LRIG2: variants seen among roughly 807,000 people sequenced by gnomAD.
LRIG2 encodes the protein leucine-rich repeats and immunoglobulin-like domains protein 2.
Under a neutral mutation model 107.8 loss-of-function variants are expected in LRIG2, and 93 were observed. That is an observed-to-expected ratio of 0.86 (90% CI 0.73 to 1.03). The LOEUF is 1.03. Ranked by LOEUF, LRIG2 falls within the 50% of genes least tolerant of loss-of-function variation. The pLI is 0.00. For missense variants in LRIG2, 1,226 were observed against 1,296.0 expected, an observed-to-expected ratio of 0.95 and a Z score of 0.83; for synonymous variants, 471 against 470.6, an observed-to-expected ratio of 1.00 and a Z score of -0.01.
chr1:113,106,742 T>G (rs1654556192), intron 11 of LRIG2, among the ~76,000 whole-genome samples: 1 of 152,084 alleles, frequency 6.6e-6, no homozygotes, highest in Non-Finnish European at 1.5e-5. Flanking sequence ...TGACCACAGG[T>G]GATCCGCCCG....
intron 11 of LRIG2, among the ~76,000 whole-genome samples, chr1:113,101,333 G>A (rs1458458415): frequency 2.0e-5 from 3 of 152,188 alleles, no homozygotes; most frequent in Non-Finnish European, 4.4e-5. Context: ...CTCCCAAAGT[G>A]TTGGGATTAC....
Position 113,132,228 on chromosome 1 carries a change from AAT to A in LRIG2, c.*8130_*8131del, listed in dbSNP as rs1655722247. The A allele has an allele frequency of 6.6e-6, 1 of 152,052 alleles. No homozygotes were observed. Among genetic ancestry groups the A allele is most frequent in the African/African-American group, 2.4e-5 (1 of 41,420 alleles). The allele number at this position is 152,052 out of a possible 1,614,324, so 9.4% of individuals were successfully genotyped here. ...GTTTGTCTACTTGTTTGTCTACTAT[AAT>A]ATGTCTTTAATAAAGCTAAAAACAT... On this transcript the variant is annotated 3_prime_UTR_variant, in exon 18 of 18. Coordinates refer to ENST00000361127, the MANE Select transcript of LRIG2 (RefSeq NM_014813.3).
intron 16 of LRIG2, among the ~76,000 whole-genome samples, chr1:113,117,338 C>G (rs1403668300): frequency 6.6e-6 from 1 of 152,186 alleles, no homozygotes; most frequent in African/African-American, 2.4e-5. Flanking sequence ...CAGATCTTTT[C>G]AGCAAATCTG....
intron 4 of LRIG2, among the ~76,000 whole-genome samples, chr1:113,094,124 A>T (rs1248216125): frequency 6.6e-6 from 1 of 152,248 alleles, no homozygotes; most frequent in Admixed American, 6.5e-5. Flanking sequence ...TTTACAAAGC[A>T]TATTCACACA....
Position 113,114,730 on chromosome 1 carries a change from G to A in LRIG2, c.2384G>A (p.Ser795Asn), listed in dbSNP as rs769427103. The A allele has an allele frequency of 6.2e-7, 1 of 1,614,146 alleles. No individual in the cohort carries two copies. The highest frequency in any genetic ancestry group is 1.1e-5 in the South Asian group (1 of 91,080). ...SSPNCDSSQSSIGHEDDGWTT... is the reference protein window; with the variant it reads ...SSPNCDSSQSNIGHEDDGWTT... Reference sequence around the variant, plus strand: ...CCCAATTGTGACTCTTCCCAGAGTAGCATTGGGCATGAAGATGATGGCTGG... The same window carrying A: ...CCCAATTGTGACTCTTCCCAGAGTAACATTGGGCATGAAGATGATGGCTGG... The change falls in exon 15 of 18, where the codon AGC (serine) becomes AAC (asparagine). Residue 795 changes from serine (S) to asparagine (N), a missense_variant. Ser to Asn is a conservative substitution (Grantham distance 46, BLOSUM62 1). This residue lies in a region of LRIG2 where 642 missense variants were observed against 712.2 expected (regional missense o/e 0.90). Transcript: ENST00000361127.
chr1:113,089,964 G>A (rs971587438), intron 1 of LRIG2, among the ~76,000 whole-genome samples: 1 of 151,632 alleles, frequency 6.6e-6, no homozygotes, highest in Admixed American at 6.6e-5. Context: ...CAAAGTGCTG[G>A]GATTACAGGC....
At chr1:113,087,940 T>G (rs1319319771) in intron 1 of LRIG2, among the ~76,000 whole-genome samples, 1 of 152,218 alleles carries the variant, frequency 6.6e-6, no homozygotes, top group Non-Finnish European at 1.5e-5. Flanking sequence ...TTGACAGTGC[T>G]TACAACCCTA....
chr1:113,096,878 G>A (rs1487838128), intron 8 of LRIG2, among the ~76,000 whole-genome samples: 1 of 152,118 alleles, frequency 6.6e-6, no homozygotes, highest in African/African-American at 2.4e-5. Flanking sequence ...TTCCATATTA[G>A]GAGGCTGAGG....
At chr1:113,117,691 C>T (rs902181588) in intron 16 of LRIG2, among the ~76,000 whole-genome samples, 1 of 152,078 alleles carries the variant, frequency 6.6e-6, no homozygotes, top group African/African-American at 2.4e-5. Flanking sequence ...CCATGTTGGT[C>T]AGGCTGGTCT....
At chr1:113,094,095 G>A (rs1406439788) in intron 4 of LRIG2, among the ~76,000 whole-genome samples, 1 of 152,176 alleles carries the variant, frequency 6.6e-6, no homozygotes, top group Non-Finnish European at 1.5e-5. Flanking sequence ...TAATTAGCAT[G>A]TGTGCCAGTG....
chr1:113,124,082 A>T lies in LRIG2; in HGVS notation c.3179A>T (p.Asp1060Val). ...TTTAGTAGGACTCGGAACATTCAAGATGGTAGTGAGGGCACATGAAACTCA... is the reference window on the plus strand; with the variant it reads ...TTTAGTAGGACTCGGAACATTCAAGTTGGTAGTGAGGGCACATGAAACTCA... ...FDFSRTRNIQ[D>V]GSEGT is the part of the protein sequence containing the mutation. Residue 1060 changes from aspartate to valine, a missense_variant, in exon 18 of 18, where the codon GAT becomes GTT. Asp to Val is a radical substitution (Grantham distance 152). Coordinates refer to ENST00000361127, the MANE Select transcript of LRIG2 (RefSeq NM_014813.3). The T allele has an allele frequency of 6.2e-7, 1 of 1,614,166 alleles. No homozygotes were observed.
At chr1:113,086,117 A>G (rs1412049498) in intron 1 of LRIG2, among the ~76,000 whole-genome samples, 3 of 141,290 alleles carry the variant, frequency 2.1e-5, no homozygotes, top group African/African-American at 5.3e-5. Flanking sequence ...CGATTCTCCT[A>G]TCTCAGCCTC....
Position 113,112,737 on chromosome 1 carries a change from C to A in LRIG2, c.2057C>A (p.Ala686Glu). ...MAQNTAGGLS[A>E]NASLTVLETP... ...CAAAATACAGCAGGAGGTCTCTCAGCAAATGCTTCCCTAACAGTGTTAGGT... is the reference window on the plus strand; with the variant it reads ...CAAAATACAGCAGGAGGTCTCTCAGAAAATGCTTCCCTAACAGTGTTAGGT... Residue 686 changes from alanine to glutamate, a missense_variant, in exon 14 of 18, where the codon GCA becomes GAA. Transcript: ENST00000361127. 6.2e-7 allele frequency: 1 copy of A among 1,606,026 alleles called. No homozygotes were observed. The highest frequency in any genetic ancestry group is 1.7e-5 in the Admixed American group (1 of 59,902).
At chr1:113,123,001 A>G (rs2101072823) in intron 17 of LRIG2, among the ~76,000 whole-genome samples, 1 of 152,340 alleles carries the variant, frequency 6.6e-6, no homozygotes, top group Non-Finnish European at 1.5e-5. Context: ...AAAATAGTTC[A>G]CCATTGTAAT....
At chr1:113,123,390 A>G (rs973000664) in intron 17 of LRIG2, among the ~76,000 whole-genome samples, 1 of 152,184 alleles carries the variant, frequency 6.6e-6, no homozygotes, top group African/African-American at 2.4e-5. Flanking sequence ...CCTGGCCAAC[A>G]TGGTGAAACT....
intron 13 of LRIG2, 62 bp from the exon 14 acceptor site, chr1:113,112,417 G>A (rs1557915668): frequency 1.4e-6 from 2 of 1,445,658 alleles, no homozygotes; most frequent in Non-Finnish European, 1.9e-6. Flanking sequence ...ATGCCTATTT[G>A]TATGCATATA....
Position 113,119,511 on chromosome 1 carries a change from C to T in LRIG2, c.2959C>T (p.Gln987Ter). The change falls in exon 17 of 18, where the codon CAG becomes TAG. Residue 987 changes from glutamine (Q) to a stop codon, truncating the protein, a stop_gained. Coordinates refer to ENST00000361127, the MANE Select transcript of LRIG2 (RefSeq NM_014813.3). LOFTEE classifies it low-confidence loss of function (END_TRUNC). ...AAGTGAGAAGAAACTTCCCTCCACA[C>T]AGATGAGCGGTGGTAAGGGATGTAT... Reference protein sequence around the residue: ...RISEKKLPSTQMSGETLQRPV... With the variant: ...RISEKKLPST The T allele has an allele frequency of 6.2e-7, 1 of 1,614,036 alleles. No individual in the cohort carries two copies. The highest frequency in any genetic ancestry group is 1.7e-5 in the Admixed American group (1 of 59,992).
intron 17 of LRIG2, 148 bp from the exon 18 acceptor site, chr1:113,123,727 T>TTTG (rs1437564600): frequency 6.7e-6 from 4 of 597,096 alleles, no homozygotes; most frequent in South Asian, 2.0e-5. Context: ...GTGGTGGTTT[T>TTTG]TGTGTGTGTG....
chr1:113,073,448 G>C lies in LRIG2; in HGVS notation c.42G>C (p.Leu14=). Residue 14 remains leucine, a synonymous_variant, in exon 1 of 18, where the codon CTG becomes CTC. Transcript: ENST00000361127. The part of the protein sequence containing the change: ...APLGVPEEQL[L]GCRSRVLSRL... ...TAGGCGTCCCGGAGGAGCAGTTGCT[G>C]GGGTGTCGATCTAGAGTGCTTTCTC... is the stretch of plus-strand genomic sequence containing the variant. 1 of 1,614,136 alleles carries C rather than the reference G, an allele frequency of 6.2e-7. No individual in the cohort carries two copies. Among genetic ancestry groups the C allele is most frequent in the Non-Finnish European group, 8.5e-7 (1 of 1,179,998 alleles).
Sources: gnomAD v4.1 joint callset for allele counts (sites outside exome capture counted in the v4.1 genomes callset) on GRCh38, gnomAD v4.1.1 for gene constraint, gnomAD v4.1.1 regional missense constraint, MANE v1.5 for transcripts, NCBI Gene and HGNC (gene_info 2026-07-23, HGNC 2026-07-21) for gene names.